The following EML5 variants were observed in gnomAD, a reference collection of about 807,000 sequenced individuals.
The protein encoded by EML5 is EMAP like 5.
In EML5, 120 loss-of-function variants were observed where a neutral mutation model predicts 250.0. That is an observed-to-expected ratio of 0.48 (90% CI 0.41 to 0.56). The LOEUF (loss-of-function observed/expected upper bound fraction) is 0.56. EML5 is among the 20% of genes least tolerant of loss of function. The probability of loss-of-function intolerance (pLI) is 0.00; values close to 1 mark genes in which losing one functional copy is unlikely to be tolerated. For synonymous variants in EML5, 771 were observed against 806.5 expected (o/e 0.96, Z 0.75); for missense variants, 2,006 against 2,437.6 (o/e 0.82, Z 3.73).
At chr14:88,758,868 C>A (rs1018093680) in intron 1 of EML5, among the ~76,000 whole-genome samples, 11 of 152,124 alleles carry the variant, frequency 7.2e-5, no homozygotes, top group Non-Finnish European at 1.3e-4. Flanking sequence ...ATGGATGAAC[C>A]TTGAAAACAT....
intron 2 of EML5, among the ~76,000 whole-genome samples, chr14:88,750,021 C>A (rs1161200540): frequency 1.3e-5 from 2 of 152,180 alleles, no homozygotes; most frequent in African/African-American, 4.8e-5. Flanking sequence ...CACACTCATT[C>A]CTTCGTGCAT....
Position 88,687,250 on chromosome 14 carries a change from A to G in EML5, c.2820T>C (p.Ala940=), listed in dbSNP as rs2092853973. 1.9e-6 allele frequency: 3 copies of G among 1,611,566 alleles called. No homozygotes were observed. The highest frequency in any genetic ancestry group is 2.5e-6 in the Non-Finnish European group (3 of 1,179,014). Residue 940 remains alanine (A), a synonymous_variant, in exon 19 of 44, where the codon GCT becomes GCC. Coordinates refer to ENST00000554922, the MANE Select transcript of EML5 (RefSeq NM_183387.3). Reference sequence around the variant, plus strand: ...CTGGGGCCAATGCAGCTCTTTTTATAGCATAGGTCTTGAGACATCTTTCAA... The same window carrying G: ...CTGGGGCCAATGCAGCTCTTTTTATGGCATAGGTCTTGAGACATCTTTCAA... ...DSFERCLKTY[A]IKRAALAPGS...
intron 33 of EML5, among the ~76,000 whole-genome samples, chr14:88,629,364 G>A (rs1282467316): frequency 6.6e-6 from 1 of 152,076 alleles, no homozygotes; most frequent in Non-Finnish European, 1.5e-5. Flanking sequence ...AATTAAAGGA[G>A]ATGGCAAGAA....
intron 16 of EML5, 50 bp downstream of exon 16, chr14:88,695,311 C>T: frequency 6.8e-7 from 1 of 1,472,270 alleles, no homozygotes; most frequent in Non-Finnish European, 9.2e-7. Context: ...TTTTTTAAGT[C>T]CAAAGTAATT....
intron 21 of EML5, among the ~76,000 whole-genome samples, chr14:88,681,542 ATTTT>A (rs1157312740): frequency 6.6e-6 from 1 of 151,916 alleles, no homozygotes; most frequent in African/African-American, 2.4e-5. Context: ...TCTTTTTTGA[ATTTT>A]TTTTAGTCCC....
intron 25 of EML5, among the ~76,000 whole-genome samples, chr14:88,660,609 G>T (rs902619674): frequency 1.3e-5 from 2 of 152,038 alleles, no homozygotes; most frequent in African/African-American, 2.4e-5. Context: ...TGGGCATGGT[G>T]GTGCGCGCCT....
intron 1 of EML5, among the ~76,000 whole-genome samples, chr14:88,757,309 A>C (rs781280458): frequency 1.2e-4 from 18 of 152,188 alleles, no homozygotes; most frequent in Non-Finnish European, 2.6e-4. Flanking sequence ...CATACCTCAA[A>C]CCATATACAA....
Position 88,634,486 on chromosome 14 carries a change from T to C in EML5, c.4340A>G (p.Asp1447Gly). Residue 1447 changes from aspartate to glycine, a missense_variant, in exon 33 of 44, where the codon GAT (aspartate) becomes GGT (glycine). Physicochemically the swap from Asp to Gly is moderately conservative, Grantham distance 94. This residue lies in a region of EML5 where 1,375 missense variants were observed against 1,590.3 expected (regional missense o/e 0.86). Coordinates refer to ENST00000554922, the MANE Select transcript of EML5 (RefSeq NM_183387.3). The part of the protein sequence containing the change: ...INIVATGQVG[D>G]SADMSATAPS... ...TTCCTTACCTGACATGTCTGCTGAATCACCTATAATGGAAAATAATTATCT... is the reference window on the plus strand; with the variant it reads ...TTCCTTACCTGACATGTCTGCTGAACCACCTATAATGGAAAATAATTATCT... 1 of 1,466,446 alleles carries C rather than the reference T, an allele frequency of 6.8e-7. No individual in the cohort carries two copies. The highest frequency in any genetic ancestry group is 9.1e-7 in the Non-Finnish European group (1 of 1,096,556). 90.8% of individuals were successfully genotyped at this position (1,466,446 alleles called of 1,614,324 possible). A position where few individuals can be genotyped will look rare whatever the true frequency, so the allele number is the denominator to read the frequency against.
chr14:88,638,861 G>A lies in EML5; in HGVS notation c.4284C>T (p.Leu1428=), dbSNP rs2090892786. The change falls in exon 32 of 44, where the codon CTC becomes CTT. Residue 1428 remains leucine (L), a synonymous_variant. Transcript: ENST00000554922. ...TAAATTTGGGGTGCTGGTTTACTGT[G>A]AGGCACAGAATATCATCATTATGTT... ...YQEHNDDILC[L]TVNQHPKFIN... 5.6e-6 allele frequency: 9 copies of A among 1,598,686 alleles called. No individual in the cohort carries two copies. The highest frequency in any genetic ancestry group is 7.7e-6 in the Non-Finnish European group (9 of 1,172,168).
intron 6 of EML5, among the ~76,000 whole-genome samples, chr14:88,738,416 A>G (rs1040662225): frequency 7.3e-6 from 1 of 136,958 alleles, no homozygotes; most frequent in Non-Finnish European, 1.6e-5. Context: ...AATCCCCAAG[A>G]GAAAAAAAAA....
chr14:88,773,174 T>A lies in EML5; in HGVS notation c.198-18503A>T, dbSNP rs2094411507. The stretch of plus-strand genomic sequence containing the variant: ...CTACTCCACGAGTCTGCTGAAATCA[T>A]CACCTGAGGCACTGGGTCATAGTAC... On this transcript the variant is annotated intron_variant, in intron 1 of 43. Coordinates refer to ENST00000554922, the MANE Select transcript of EML5 (RefSeq NM_183387.3). 2.6e-5 allele frequency among the ~76,000 whole-genome samples: 4 copies of A among 152,224 alleles called. No individual in the cohort carries two copies. In the South Asian group the frequency reaches 8.3e-4, roughly 32 times the overall value.
intron 21 of EML5, among the ~76,000 whole-genome samples, chr14:88,677,452 G>A (rs939942403): frequency 6.6e-6 from 1 of 152,184 alleles, no homozygotes; most frequent in African/African-American, 2.4e-5. Context: ...ATTGGCAAAT[G>A]GGATCTAATT....
At chr14:88,704,143 G>A (rs1231341462) in intron 13 of EML5, among the ~76,000 whole-genome samples, 1 of 152,144 alleles carries the variant, frequency 6.6e-6, no homozygotes, top group Non-Finnish European at 1.5e-5. Flanking sequence ...GGTCATGGGG[G>A]CTGATCCCTC....
rs1346841926 is a variant in EML5, at chr14:88,702,561, G to A, written c.2123C>T (p.Ala708Val). 1 of 1,612,682 alleles carries A rather than the reference G, an allele frequency of 6.2e-7. No homozygotes were observed. The highest frequency in any genetic ancestry group is 1.3e-5 in the African/African-American group (1 of 74,870). ...QIGEIVYHVA[A>V]VGVIYNRQQN... is the part of the protein sequence containing the mutation. ...CTGTCGATTATAAATGACACCCACT[G>A]CTGCCACATGGTACACAATTTCACC... Residue 708 changes from alanine (A) to valine (V), a missense_variant, in exon 14 of 44, where the codon GCA becomes GTA. Ala to Val is a moderately conservative substitution (Grantham distance 64, BLOSUM62 0). Coordinates refer to ENST00000554922, the MANE Select transcript of EML5 (RefSeq NM_183387.3).
chr14:88,682,364 G>A (rs2092731876), intron 20 of EML5, among the ~76,000 whole-genome samples: 1 of 150,596 alleles, frequency 6.6e-6, no homozygotes, highest in Non-Finnish European at 1.5e-5. Context: ...AGAGAGTGAG[G>A]AGCTCCACAG....
At chr14:88,641,991 A>G (rs1404192732) in intron 31 of EML5, among the ~76,000 whole-genome samples, 2 of 152,198 alleles carry the variant, frequency 1.3e-5, no homozygotes, top group African/African-American at 4.8e-5. Flanking sequence ...TAAATGGCCC[A>G]AATTATTAAA....
chr14:88,672,631 A>G lies in EML5; in HGVS notation c.3125-7142T>C, dbSNP rs138154926. ...CAGGGGCCGGTTTTTGAAAAAAATT[A>G]ATAAAATAGATCATTAGCTAGACAA... On this transcript the variant is annotated intron_variant, in intron 21 of 43. Coordinates refer to ENST00000554922, the MANE Select transcript of EML5 (RefSeq NM_183387.3). Among the ~76,000 whole-genome samples, 547 of 152,264 alleles carry G rather than the reference A, an allele frequency of 3.6e-3. 3 individuals are homozygous for G. The highest frequency in any genetic ancestry group is 0.013 in the African/African-American group (525 of 41,564).
intron 29 of EML5, 107 bp downstream of exon 29, chr14:88,646,840 T>C: frequency 8.6e-7 from 1 of 1,167,888 alleles, no homozygotes; most frequent in East Asian, 2.5e-5. Flanking sequence ...TGCAAAACTG[T>C]GAAGAGAGGT....
At chr14:88,733,242 T>C (rs998219518) in intron 7 of EML5, among the ~76,000 whole-genome samples, 4 of 152,326 alleles carry the variant, frequency 2.6e-5, no homozygotes, top group Non-Finnish European at 4.4e-5. Context: ...GTCTTGTCTG[T>C]CCCTTGTGCT....
Sources: gnomAD v4.1 joint callset for allele counts (sites outside exome capture counted in the v4.1 genomes callset) on GRCh38, gnomAD v4.1.1 for gene constraint, gnomAD v4.1.1 regional missense constraint, MANE v1.5 for transcripts, NCBI Gene and HGNC (gene_info 2026-07-23, HGNC 2026-07-21) for gene names.